The following FARSB variants were observed in gnomAD, a reference collection of about 807,000 sequenced individuals.
FARSB encodes the protein phenylalanine--tRNA ligase beta subunit.
Under a neutral mutation model 69.6 loss-of-function variants are expected in FARSB, and 40 were observed. That is an observed-to-expected ratio of 0.57 (90% confidence interval 0.45 to 0.75). FARSB has a LOEUF of 0.75. Among genes scored for constraint, FARSB ranks in the 30% least tolerant of loss-of-function variants. FARSB has a pLI of 0.00. For synonymous variants in FARSB, 235 were observed against 247.2 expected, an observed-to-expected ratio of 0.95 and a Z score of 0.46; for missense variants, 632 against 722.9, an observed-to-expected ratio of 0.87 and a Z score of 1.44.
intron 1 of FARSB, among the ~76,000 whole-genome samples, chr2:222,649,695 C>T (rs115953836): frequency 6.6e-6 from 1 of 152,120 alleles, no homozygotes; most frequent in East Asian, 1.9e-4. Flanking sequence ...ATAAAATGGA[C>T]CTGGCATAGT....
intron 15 of FARSB, among the ~76,000 whole-genome samples, chr2:222,607,912 G>A (rs916603632): frequency 1.3e-5 from 2 of 151,782 alleles, no homozygotes; most frequent in Non-Finnish European, 2.9e-5. Flanking sequence ...ACGTCCTTGT[G>A]GGTTGGCTTT....
intron 15 of FARSB, among the ~76,000 whole-genome samples, chr2:222,603,821 C>T (rs1036925289): frequency 2.0e-5 from 3 of 151,094 alleles, no homozygotes; most frequent in African/African-American, 2.4e-5. Context: ...AAAACCCATG[C>T]TCTTTCCACT....
intron 16 of FARSB, among the ~76,000 whole-genome samples, chr2:222,590,523 A>G (rs1329654881): frequency 6.6e-6 from 1 of 151,438 alleles, no homozygotes; most frequent in South Asian, 2.1e-4. Flanking sequence ...TAAAAAAAAA[A>G]AAAAGATATC....
intron 14 of FARSB, 131 bp from the exon 15 acceptor site, chr2:222,614,059 A>C: frequency 2.1e-6 from 1 of 486,172 alleles, no homozygotes; most frequent in Non-Finnish European, 3.7e-6. Context: ...ATTGCCCTAA[A>C]ATATCCAAGT....
intron 16 of FARSB, among the ~76,000 whole-genome samples, chr2:222,596,457 G>A (rs1690420276): frequency 6.6e-6 from 1 of 152,156 alleles, no homozygotes; most frequent in African/African-American, 2.4e-5. Context: ...CGACGTAACT[G>A]ACATATGCAG....
chr2:222,634,522 T>G lies in FARSB; in HGVS notation c.475A>C (p.Ile159Leu). ...NICRKRALVA[I>L]GTHDLDTLSG... ...AAAGTGTCCAAATCATGGGTACCAA[T>G]GGCAACCAGTGCTCTTTTCCTAATT... The change falls in exon 6 of 17, where the codon ATT becomes CTT. Residue 159 changes from isoleucine (I) to leucine (L), a missense_variant. Coordinates refer to ENST00000281828, the MANE Select transcript of FARSB (RefSeq NM_005687.5). 1 of 1,612,682 alleles carries G rather than the reference T, an allele frequency of 6.2e-7. No individual in the cohort carries two copies. The highest frequency in any genetic ancestry group is 2.2e-5 in the East Asian group (1 of 44,852).
chr2:222,623,643 G>T lies in FARSB; in HGVS notation c.1251+7C>A. 6.5e-7 allele frequency: 1 copy of T among 1,537,688 alleles called. No individual in the cohort carries two copies. Among genetic ancestry groups the T allele is most frequent in the South Asian group, 1.1e-5 (1 of 89,544 alleles). On this transcript the variant is annotated splice_region_variant and intron_variant, in intron 13 of 16. Coordinates refer to ENST00000281828, the MANE Select transcript of FARSB (RefSeq NM_005687.5). Reference sequence around the variant, plus strand: ...TCATCTGGGCAGAAAAAGCATGTAAGACATACCAGGGCAAAGGTAAGTGCT... The same window carrying T: ...TCATCTGGGCAGAAAAAGCATGTAATACATACCAGGGCAAAGGTAAGTGCT...
chr2:222,643,180 T>C (rs1691766034), intron 2 of FARSB, among the ~76,000 whole-genome samples, 175 bp from the exon 3 acceptor site: 1 of 152,244 alleles, frequency 6.6e-6, no homozygotes. Flanking sequence ...GTTATAATCA[T>C]AGCAGACAGA....
At position 222,628,732 on chromosome 2, in the gene FARSB, G is replaced by A. The variant is rs571582399; in HGVS notation, c.900+105C>T. 15 of 737,710 alleles carry A rather than the reference G, an allele frequency of 2.0e-5. 1 individual carries two copies. Among genetic ancestry groups the A allele is most frequent in the African/African-American group, 1.1e-4 (6 of 56,728 alleles). 45.7% of individuals were successfully genotyped at this position (737,710 alleles called of 1,614,324 possible). On this transcript the variant is annotated intron_variant, in intron 10 of 16. Coordinates refer to ENST00000281828, the MANE Select transcript of FARSB (RefSeq NM_005687.5). ...GCACATAGTGTAGCGCCTGGCACACGGGTGGGTAGGTAGGGGATGGATAGA... is the reference window on the plus strand; with the variant it reads ...GCACATAGTGTAGCGCCTGGCACACAGGTGGGTAGGTAGGGGATGGATAGA...
intron 16 of FARSB, among the ~76,000 whole-genome samples, chr2:222,576,862 T>C (rs550134460): frequency 6.6e-6 from 1 of 152,322 alleles, no homozygotes; most frequent in South Asian, 2.1e-4. Flanking sequence ...AACATCACCT[T>C]CCTTTTCTAA....
At chr2:222,601,292 T>C (rs563266762) in intron 15 of FARSB, among the ~76,000 whole-genome samples, 1 of 152,212 alleles carries the variant, frequency 6.6e-6, no homozygotes, top group East Asian at 1.9e-4. Context: ...AATAATAATT[T>C]TTTAAAGTAT....
rs2106212493 is a variant in FARSB, at chr2:222,616,917, G to C, written c.1344+2728C>G. ...TGTTGGTAAAGCAAGGTAAAATATA[G>C]AATCTGTTAGGTCAAAAGACAGGCA... is the stretch of plus-strand genomic sequence containing the variant. On this transcript the variant is annotated intron_variant, in intron 14 of 16. Coordinates refer to ENST00000281828, the MANE Select transcript of FARSB (RefSeq NM_005687.5). Among the ~76,000 whole-genome samples, 3 of 152,012 alleles carry C rather than the reference G, an allele frequency of 2.0e-5. No homozygotes were observed. The Middle Eastern group carries it at 0.01, about 517-fold the overall frequency.
chr2:222,634,655 A>T lies in FARSB; in HGVS notation c.456-114T>A, dbSNP rs1559212367. On this transcript the variant is annotated intron_variant, in intron 5 of 16. Transcript: ENST00000281828. ...AAGATAACATAAATATAGACTACAT[A>T]TTTTTTTTAATTATTTCAGATACTT... The T allele has an allele frequency of 4.4e-6, 3 of 688,196 alleles. No individual in the cohort carries two copies. The East Asian group carries it at 8.8e-5, about 20-fold the overall frequency. 42.6% of individuals were successfully genotyped at this position (688,196 alleles called of 1,614,324 possible).
chr2:222,578,219 C>T (rs545812809), intron 16 of FARSB, among the ~76,000 whole-genome samples: 120 of 152,262 alleles, frequency 7.9e-4, no homozygotes, highest in African/African-American at 2.6e-3. Context: ...TAAAAGAAAT[C>T]ACTCTGCCTT....
At chr2:222,621,411 T>G (rs991787316) in intron 13 of FARSB, among the ~76,000 whole-genome samples, 1 of 152,112 alleles carries the variant, frequency 6.6e-6, no homozygotes, top group African/African-American at 2.4e-5. Context: ...TTAGTAGAGA[T>G]GGGGTTTTGC....
intron 16 of FARSB, among the ~76,000 whole-genome samples, chr2:222,580,494 C>CAA (rs5838957): frequency 2.9e-4 from 40 of 139,546 alleles, no homozygotes; most frequent in Admixed American, 8.4e-4. Context: ...GACAACATCT[C>CAA]AAAAAAAAAA....
At chr2:222,594,691 T>C (rs538481296) in intron 16 of FARSB, among the ~76,000 whole-genome samples, 1 of 152,174 alleles carries the variant, frequency 6.6e-6, no homozygotes, top group Non-Finnish European at 1.5e-5. Flanking sequence ...TACTACAATA[T>C]CTATCAGAGG....
intron 10 of FARSB, 115 bp from the exon 11 acceptor site, chr2:222,624,890 C>A: frequency 1.6e-6 from 1 of 615,192 alleles, no homozygotes. Flanking sequence ...GTCATTAGAG[C>A]CACACATTGA....
chr2:222,610,597 T>C (rs1690823721), intron 15 of FARSB, among the ~76,000 whole-genome samples: 2 of 152,034 alleles, frequency 1.3e-5, no homozygotes. Flanking sequence ...CTCAGCAAGG[T>C]GACATTAGCC....
Sources: gnomAD v4.1 joint callset for allele counts (sites outside exome capture counted in the v4.1 genomes callset) on GRCh38, gnomAD v4.1.1 for gene constraint, MANE v1.5 for transcripts, NCBI Gene and HGNC (gene_info 2026-07-23, HGNC 2026-07-21) for gene names.